The following ADD1 variants were observed in gnomAD, a reference collection of about 807,000 sequenced individuals.
ADD1 encodes alpha-adducin.
ADD1 carries 24 observed loss-of-function variants against 80.5 expected under a neutral mutation model. That is an observed-to-expected ratio of 0.30 (90% CI 0.22 to 0.42). ADD1 has a LOEUF of 0.42. Among genes scored for constraint, ADD1 ranks in the 10% least tolerant of loss-of-function variants. ADD1 has a pLI of 1.00. For synonymous variants in ADD1, 373 were observed against 393.8 expected (o/e 0.95, Z 0.63); for missense variants, 948 against 1,019.0 (o/e 0.93, Z 0.95).
intron 1 of ADD1, chr4:2,868,031 T>G (rs1028771208): frequency 3.3e-5 from 5 of 152,202 alleles, no homozygotes; most frequent in Non-Finnish European, 5.9e-5. Context: ...ATAGAAATGA[T>G]CCGATCAGAG....
chr4:2,898,214 A>G lies in ADD1; in HGVS notation c.772A>G (p.Ile258Val), dbSNP rs777870723. 2.7e-5 allele frequency: 43 copies of G among 1,613,638 alleles called. No homozygotes were observed. In the South Asian group the frequency reaches 3.1e-4, roughly 12 times the overall value. ...TGCAATGAAATGTGGCCTCTTGCCA[A>G]TCTCCCCGGAGGCGCTTTCCCTTGG... ...VSAMKCGLLP[I>V]SPEALSLGEV... Residue 258 changes from isoleucine to valine, a missense_variant, in exon 7 of 16, where the codon ATC becomes GTC. Physicochemically the swap from Ile to Val is conservative, Grantham distance 29. Coordinates refer to ENST00000683351, the MANE Select transcript of ADD1 (RefSeq NM_001354761.2).
At chr4:2,906,189 G>A (rs1014427895) in intron 10 of ADD1, among the ~76,000 whole-genome samples, 6 of 152,098 alleles carry the variant, frequency 3.9e-5, no homozygotes, top group African/African-American at 1.4e-4. Flanking sequence ...GACGCAGTTG[G>A]TGAGAAGCCT....
chr4:2,924,677 G>C (rs531543159), intron 14 of ADD1, among the ~76,000 whole-genome samples: 41 of 152,290 alleles, frequency 2.7e-4, no homozygotes, highest in Admixed American at 4.6e-4. Context: ...TGAAATTTGA[G>C]TTGCTGAATT....
intron 13 of ADD1, among the ~76,000 whole-genome samples, chr4:2,910,938 T>G (rs1737914113): frequency 6.6e-6 from 1 of 152,218 alleles, no homozygotes; most frequent in Admixed American, 6.5e-5. Context: ...ATCTGAAGTT[T>G]ACTTTTGCAC....
At chr4:2,865,725 A>G (rs573850295) in intron 1 of ADD1, among the ~76,000 whole-genome samples, 18 of 152,222 alleles carry the variant, frequency 1.2e-4, no homozygotes, top group Non-Finnish European at 1.8e-4. Flanking sequence ...AACCTTACTT[A>G]GCAAACCACC....
At chr4:2,859,022 A>G (rs1464130754) in intron 1 of ADD1, among the ~76,000 whole-genome samples, 1 of 152,224 alleles carries the variant, frequency 6.6e-6, no homozygotes, top group Admixed American at 6.5e-5. Flanking sequence ...GCTGGTACAA[A>G]GTCAAAACCT....
intron 4 of ADD1, among the ~76,000 whole-genome samples, chr4:2,885,496 G>A (rs1036378907): frequency 5.9e-5 from 9 of 152,066 alleles, no homozygotes; most frequent in Non-Finnish European, 1.5e-5. Flanking sequence ...CAGAAAAAAT[G>A]GGTACCCTTA....
At position 2,926,720 on chromosome 4, in the gene ADD1, T is replaced by C. The variant is rs887325333; in HGVS notation, c.2047+608T>C. ...CGCTCTCCACCGGTGCCCTGCGCTTTGCCTCATTCTCCTGCTTCTTTGTTG... is the reference window on the plus strand; with the variant it reads ...CGCTCTCCACCGGTGCCCTGCGCTTCGCCTCATTCTCCTGCTTCTTTGTTG... On this transcript the variant is annotated intron_variant, in intron 15 of 15. Coordinates refer to ENST00000683351, the MANE Select transcript of ADD1 (RefSeq NM_001354761.2). This position sits in a 1 kb window ranked among gnomAD's most constrained non-coding sequence, Gnocchi z 5.0. 2 of 1,585,832 alleles carry C rather than the reference T, an allele frequency of 1.3e-6. No homozygotes were observed. The highest frequency in any genetic ancestry group is 1.7e-6 in the Non-Finnish European group (2 of 1,157,198).
rs79315274 is a variant in ADD1 at position 2,875,886 on chromosome 4, G to C, written c.-20-10G>C. 1 of 1,539,112 alleles carries C rather than the reference G, an allele frequency of 6.5e-7. No homozygotes were observed. The highest frequency in any genetic ancestry group is 8.7e-7 in the Non-Finnish European group (1 of 1,144,226). ...TGAAAACAATAATTTCTTTTATTTT[G>C]ATTCTGTAGGAACCTAGAAAGATTG... On this transcript the variant is annotated splice_polypyrimidine_tract_variant and intron_variant, in intron 1 of 15. Transcript: ENST00000683351.
rs1033964373 is a variant in ADD1, at chr4:2,926,178, A to G, written c.2047+66A>G. The G allele has an allele frequency of 4.3e-6, 6 of 1,409,506 alleles. No individual in the cohort carries two copies. In the African/African-American group the frequency reaches 7.1e-5, roughly 17 times the overall value. The allele number at this position is 1,409,506 out of a possible 1,614,324, so 87.3% of individuals were successfully genotyped here. A position where few individuals can be genotyped will look rare whatever the true frequency, so the allele number is the denominator to read the frequency against. On this transcript the variant is annotated intron_variant, in intron 15 of 15. Coordinates refer to ENST00000683351, the MANE Select transcript of ADD1 (RefSeq NM_001354761.2). This position sits in a 1 kb window ranked among gnomAD's most constrained non-coding sequence, Gnocchi z 5.0. ...CACGGCTCGTGCGCGCTGTGGCGGA[A>G]TGTGGCGGGAGTCGTGTTAACAGCA...
chr4:2,878,781 C>G (rs1731762547), intron 2 of ADD1, among the ~76,000 whole-genome samples: 1 of 151,964 alleles, frequency 6.6e-6, no homozygotes, highest in African/African-American at 2.4e-5. Context: ...TGAGGTTTTG[C>G]CAGATGGTTT....
chr4:2,892,791 C>T (rs1035867481), intron 4 of ADD1, among the ~76,000 whole-genome samples: 15 of 151,326 alleles, frequency 9.9e-5, no homozygotes, highest in African/African-American at 3.7e-4. Flanking sequence ...CATGATTGCG[C>T]CACTGCATTA....
intron 8 of ADD1, 24 bp downstream of exon 8, chr4:2,898,555 C>T (rs1735644283): frequency 1.3e-6 from 2 of 1,593,962 alleles, no homozygotes; most frequent in Non-Finnish European, 1.7e-6. Context: ...ATTCCAGTCA[C>T]TCTGCAGTTT....
intron 9 of ADD1, among the ~76,000 whole-genome samples, chr4:2,904,041 CTG>C (rs1736631735): frequency 6.6e-6 from 1 of 152,198 alleles, no homozygotes; most frequent in Non-Finnish European, 1.5e-5. Flanking sequence ...AGTATTTAAA[CTG>C]TAACTTAAGA....
chr4:2,898,139 G>A (rs1560211058), intron 6 of ADD1, 45 bp from the exon 7 acceptor site: 2 of 1,580,888 alleles, frequency 1.3e-6, no homozygotes, highest in Non-Finnish European at 1.7e-6. Context: ...CAGTCATTGT[G>A]TAACCCCAGG....
At position 2,917,533 on chromosome 4, in the gene ADD1, A is replaced by G. The variant is rs559183337; in HGVS notation, c.1948+2493A>G. Among the ~76,000 whole-genome samples, 14 of 152,222 alleles carry G rather than the reference A, an allele frequency of 9.2e-5. No individual in the cohort carries two copies. The South Asian group carries it at 2.9e-3, about 32-fold the overall frequency. ...CTGGTGTGCAGAAGCTCTTTAGTTT[A>G]ATTAGATCCCATTTGTCAGTTTTGG... On this transcript the variant is annotated intron_variant, in intron 14 of 15. Transcript: ENST00000683351.
chr4:2,885,800 C>T (rs374207967), intron 4 of ADD1, among the ~76,000 whole-genome samples: 61 of 151,612 alleles, frequency 4.0e-4, no homozygotes, highest in East Asian at 1.9e-3. Context: ...TTAGTAGAGA[C>T]GGGGTTTCAC....
rs933942249 is a variant in ADD1 at position 2,926,298 on chromosome 4, G to A, written c.2047+186G>A. On this transcript the variant is annotated intron_variant, in intron 15 of 15. Coordinates refer to ENST00000683351, the MANE Select transcript of ADD1 (RefSeq NM_001354761.2). This position sits in a 1 kb window ranked among gnomAD's most constrained non-coding sequence, Gnocchi z 5.0. Reference sequence around the variant, plus strand: ...GGGTAACTCCAGGCAAAACAGATTTGTATGTGAGCTGTGACCAGGTAGGAA... The same window carrying A: ...GGGTAACTCCAGGCAAAACAGATTTATATGTGAGCTGTGACCAGGTAGGAA... 6 of 726,344 alleles carry A rather than the reference G, an allele frequency of 8.3e-6. No individual in the cohort carries two copies. The highest frequency in any genetic ancestry group is 1.5e-5 in the Non-Finnish European group (6 of 403,476). 45.0% of individuals were successfully genotyped at this position (726,344 alleles called of 1,614,324 possible). A position where few individuals can be genotyped will look rare whatever the true frequency, so the allele number is the denominator to read the frequency against.
chr4:2,924,816 T>G (rs116453663), intron 14 of ADD1, among the ~76,000 whole-genome samples: 1,810 of 152,380 alleles, frequency 0.012, 15 homozygotes, highest in Non-Finnish European at 0.02. Flanking sequence ...GAGCGAGAAC[T>G]GGAGGTAGTC....
Sources: gnomAD v4.1 joint callset for allele counts (sites outside exome capture counted in the v4.1 genomes callset) on GRCh38, gnomAD v4.1.1 for gene constraint, Gnocchi (gnomAD v3.1) non-coding constraint, MANE v1.5 for transcripts, NCBI Gene and HGNC (gene_info 2026-07-23, HGNC 2026-07-21) for gene names.